Variants in ELP4 observed in about 807,000 individuals in gnomAD.
The protein encoded by ELP4 is elongator acetyltransferase complex subunit 4.
Under a neutral mutation model 48.9 loss-of-function variants are expected in ELP4, and 51 were observed. The observed-to-expected ratio is 1.04, with a 90% CI of 0.83 to 1.32. ELP4 has a LOEUF of 1.32. Among genes scored for constraint, ELP4 ranks in the 40% most tolerant of loss-of-function variants. The pLI is 0.00. For missense variants in ELP4, 519 were observed against 514.6 expected, an observed-to-expected ratio of 1.01 and a Z score of -0.08; for synonymous variants, 210 against 189.2, an observed-to-expected ratio of 1.11 and a Z score of -0.90.
chr11:31,692,700 G>A (rs1219254437), intron 9 of ELP4, among the ~76,000 whole-genome samples: 3 of 151,988 alleles, frequency 2.0e-5, no homozygotes, highest in Admixed American at 2.0e-4. Context: ...CCAATTCCTC[G>A]AAGGCTCATT....
intron 9 of ELP4, among the ~76,000 whole-genome samples, chr11:31,674,099 A>G (rs1321884597): frequency 2.6e-5 from 4 of 152,228 alleles, no homozygotes; most frequent in Non-Finnish European, 5.9e-5. Context: ...CGTGGAGAAT[A>G]CATCAGCAAT....
intron 3 of ELP4, among the ~76,000 whole-genome samples, chr11:31,544,497 A>G (rs1175375228): frequency 1.3e-5 from 2 of 152,242 alleles, no homozygotes; most frequent in Non-Finnish European, 2.9e-5. Context: ...AAGCAGCCGG[A>G]AAGCTCCAAC....
chr11:31,587,203 C>A (rs1416362791), intron 3 of ELP4, among the ~76,000 whole-genome samples: 1 of 152,166 alleles, frequency 6.6e-6, no homozygotes, highest in Non-Finnish European at 1.5e-5. Flanking sequence ...TAAGTAAATG[C>A]AGTTATCAAC....
intron 3 of ELP4, among the ~76,000 whole-genome samples, chr11:31,571,637 C>T (rs1399451420): frequency 6.6e-6 from 1 of 152,184 alleles, no homozygotes; most frequent in Non-Finnish European, 1.5e-5. Flanking sequence ...AGTGTTAAGA[C>T]ATGTATTCTT....
intron 8 of ELP4, 137 bp from the exon 9 acceptor site, chr11:31,649,978 T>C (rs1046428152): frequency 6.3e-6 from 3 of 473,932 alleles, no homozygotes; most frequent in African/African-American, 6.1e-5. Context: ...GCTTCATTGC[T>C]CCTGGTAGTA....
In ELP4 at chr11:31,790,108, A is replaced by AC. The variant is rs1251421153; in HGVS notation, c.*6584_*6585insC. The AC allele has an allele frequency of 2.5e-6, 2 of 794,468 alleles. No individual in the cohort carries two copies. The highest frequency in any genetic ancestry group is 4.1e-6 in the Non-Finnish European group (2 of 489,996). 49.2% of individuals were successfully genotyped at this position (794,468 alleles called of 1,614,324 possible). On this transcript the variant is annotated 3_prime_UTR_variant, in exon 10 of 10. Coordinates refer to ENST00000640961, the MANE Select transcript of ELP4 (RefSeq NM_019040.5). ...AATTTATAGGTTTACAAAAAAAAAA[A>AC]AAAAAAAAAAAACTAATACTTTCTA...
intron 9 of ELP4, among the ~76,000 whole-genome samples, chr11:31,665,538 T>C (rs1945653532): frequency 6.6e-6 from 1 of 152,106 alleles, no homozygotes; most frequent in Non-Finnish European, 1.5e-5. Flanking sequence ...AATATTATAT[T>C]ATTGATATAC....
chr11:31,669,332 C>T (rs1467332553), intron 9 of ELP4, among the ~76,000 whole-genome samples: 1 of 152,056 alleles, frequency 6.6e-6, no homozygotes, highest in South Asian at 2.1e-4. Context: ...CCGCCTGCCT[C>T]GGCCTCCCAA....
intron 8 of ELP4, chr11:31,648,481 G>T (rs1392900017): frequency 6.6e-6 from 1 of 151,196 alleles, no homozygotes; most frequent in African/African-American, 2.4e-5. Flanking sequence ...TTAATAAAGA[G>T]TCTTATGTAG....
intron 2 of ELP4, among the ~76,000 whole-genome samples, chr11:31,535,374 G>A (rs1340859990): frequency 1.3e-5 from 2 of 151,950 alleles, no homozygotes; most frequent in African/African-American, 4.8e-5. Context: ...CCAGGTTCTC[G>A]TTCTGTTCCC....
chr11:31,779,053 A>G (rs1397390453), intron 9 of ELP4, among the ~76,000 whole-genome samples: 2 of 152,174 alleles, frequency 1.3e-5, no homozygotes, highest in African/African-American at 4.8e-5. Flanking sequence ...GAAAAATGAA[A>G]AAATCTATTA....
intron 3 of ELP4, among the ~76,000 whole-genome samples, chr11:31,561,784 CATT>C (rs1957028862): frequency 6.6e-6 from 1 of 152,104 alleles, no homozygotes; most frequent in African/African-American, 2.4e-5. Flanking sequence ...ACAGTCTTTA[CATT>C]ATTATGTATA....
At chr11:31,603,140 G>A (rs142800598) in intron 4 of ELP4, among the ~76,000 whole-genome samples, 10 of 151,944 alleles carry the variant, frequency 6.6e-5, no homozygotes, top group African/African-American at 2.4e-4. Flanking sequence ...GCCAGGTTCT[G>A]ATTGATCTAA....
At chr11:31,754,335 C>T (rs564143871) in intron 9 of ELP4, among the ~76,000 whole-genome samples, 1 of 152,250 alleles carries the variant, frequency 6.6e-6, no homozygotes, top group South Asian at 2.1e-4. Flanking sequence ...AAGCTCCTGT[C>T]TACTCTCACA....
At chr11:31,723,213 A>G (rs905941568) in intron 9 of ELP4, among the ~76,000 whole-genome samples, 18 of 152,100 alleles carry the variant, frequency 1.2e-4, no homozygotes, top group African/African-American at 3.9e-4. Context: ...ACTAGTCACT[A>G]AGGAAGGAGA....
chr11:31,565,134 T>C (rs1276766963), intron 3 of ELP4, among the ~76,000 whole-genome samples: 9 of 152,358 alleles, frequency 5.9e-5, no homozygotes, highest in African/African-American at 2.2e-4. Context: ...CCAGTGATGG[T>C]GAGCATTTTT....
At chr11:31,735,798 A>ACAAAC (rs1315386326) in intron 9 of ELP4, among the ~76,000 whole-genome samples, 1 of 152,216 alleles carries the variant, frequency 6.6e-6, no homozygotes, top group Non-Finnish European at 1.5e-5. Flanking sequence ...AAGGGGAACT[A>ACAAAC]CAAACCACTG....
At chr11:31,573,567 A>G (rs1957219810) in intron 3 of ELP4, 1 of 152,164 alleles carries the variant, frequency 6.6e-6, no homozygotes, top group South Asian at 2.1e-4. Flanking sequence ...GTGTGTTCAC[A>G]TGACCCCTTC....
At chr11:31,769,422 C>T (rs985856040) in intron 9 of ELP4, among the ~76,000 whole-genome samples, 44 of 152,282 alleles carry the variant, frequency 2.9e-4, no homozygotes, top group African/African-American at 1.1e-3. Flanking sequence ...TCATCGAAAG[C>T]TGCCAAATTT....
Sources: gnomAD v4.1 joint callset for allele counts (sites outside exome capture counted in the v4.1 genomes callset) on GRCh38, gnomAD v4.1.1 for gene constraint, MANE v1.5 for transcripts, NCBI Gene and HGNC (gene_info 2026-07-23, HGNC 2026-07-21) for gene names.